The following AFG2A variants were observed in gnomAD, a reference collection of about 807,000 sequenced individuals.
AFG2A encodes the protein AAA ATPase AFG2A.
At chr4:123,079,624 A>C in the AFG2A span, among the ~76,000 whole-genome samples, 20 of 151,758 alleles carry the variant, frequency 1.3e-4, no homozygotes, top group East Asian at 3.9e-3. Context: ...TTGATGTGTA[A>C]CCCTCGCCAA....
the AFG2A span, among the ~76,000 whole-genome samples, chr4:123,299,117 A>ATGTGTGTGTG: frequency 0.02 from 2,994 of 147,196 alleles, 40 homozygotes; most frequent in Middle Eastern, 0.041. Flanking sequence ...GCATCTGCCA[A>ATGTGTGTGTG]TGTGTGTGTG....
chr4:123,207,989 A>G, the AFG2A span, among the ~76,000 whole-genome samples: 1 of 152,182 alleles, frequency 6.6e-6, no homozygotes, highest in Admixed American at 6.5e-5. Context: ...ATTGAAAAAG[A>G]ACACAGCTGA....
the AFG2A span, among the ~76,000 whole-genome samples, chr4:123,255,717 ATTTTTTTT>A: frequency 6.8e-5 from 3 of 44,030 alleles, no homozygotes; most frequent in African/African-American, 2.1e-4. Context: ...CTGCTTTTCT[ATTTTTTTT>A]TTTTTTTTTT....
chr4:123,033,557 T>C, the AFG2A span, among the ~76,000 whole-genome samples: 8 of 152,126 alleles, frequency 5.3e-5, no homozygotes, highest in African/African-American at 1.9e-4. Context: ...TAAAAGTTAA[T>C]AGGAAAGGGC....
chr4:123,005,539 A>C, the AFG2A span, among the ~76,000 whole-genome samples: 1 of 151,920 alleles, frequency 6.6e-6, no homozygotes, highest in African/African-American at 2.4e-5. Flanking sequence ...CTTTATGCTA[A>C]ATTTCTTCTT....
chr4:123,241,082 GGAA>G, the AFG2A span, among the ~76,000 whole-genome samples: 3 of 152,140 alleles, frequency 2.0e-5, no homozygotes, highest in East Asian at 5.8e-4. Context: ...GACTAAACCA[GGAA>G]GAAGTTGAAT....
the AFG2A span, among the ~76,000 whole-genome samples, chr4:123,136,360 C>T: frequency 6.6e-6 from 1 of 151,584 alleles, no homozygotes; most frequent in African/African-American, 2.4e-5. Context: ...ATGGAGAAAC[C>T]CGGTCTCTAC....
the AFG2A span, chr4:122,947,504 T>C: frequency 1.3e-6 from 2 of 1,586,294 alleles, no homozygotes; most frequent in African/African-American, 2.7e-5. Context: ...TGTGGTTTGC[T>C]ATGGTGAGTC....
chr4:123,008,971 C>G, the AFG2A span, among the ~76,000 whole-genome samples: 1 of 152,188 alleles, frequency 6.6e-6, no homozygotes, highest in African/African-American at 2.4e-5. Context: ...GTCTGTGCAT[C>G]TGTCTTCATT....
the AFG2A span, among the ~76,000 whole-genome samples, chr4:123,013,798 G>A: frequency 1.2e-4 from 19 of 152,146 alleles, no homozygotes; most frequent in African/African-American, 4.6e-4. Context: ...ATAAATATAT[G>A]TCTGCCTATT....
the AFG2A span, among the ~76,000 whole-genome samples, chr4:123,258,696 C>T: frequency 1.3e-5 from 2 of 151,998 alleles, no homozygotes; most frequent in African/African-American, 4.8e-5. Flanking sequence ...TAAGTGTATA[C>T]TATTAGCTAT....
the AFG2A span, among the ~76,000 whole-genome samples, chr4:123,192,029 C>CTT: frequency 6.9e-6 from 1 of 145,752 alleles, no homozygotes; most frequent in African/African-American, 2.5e-5. Context: ...GTCTTTTCTT[C>CTT]TTTTTTTTTT....
At chr4:123,241,240 C>T in the AFG2A span, among the ~76,000 whole-genome samples, 4 of 152,178 alleles carry the variant, frequency 2.6e-5, no homozygotes, top group Non-Finnish European at 5.9e-5. Flanking sequence ...TGAAACTATT[C>T]CAATCAATAG....
chr4:123,056,692 G>A, the AFG2A span, among the ~76,000 whole-genome samples: 15 of 152,114 alleles, frequency 9.9e-5, no homozygotes, highest in South Asian at 3.1e-3. Context: ...GATAATAATA[G>A]CCAGCATTTC....
At chr4:123,221,276 C>A in the AFG2A span, among the ~76,000 whole-genome samples, 1 of 152,202 alleles carries the variant, frequency 6.6e-6, no homozygotes. Flanking sequence ...CCACCTAAGC[C>A]TCTTGAGTAG....
At chr4:123,262,818 T>G in the AFG2A span, among the ~76,000 whole-genome samples, 1 of 152,226 alleles carries the variant, frequency 6.6e-6, no homozygotes, top group Non-Finnish European at 1.5e-5. Flanking sequence ...TGTATTTATG[T>G]GGCATGATCT....
chr4:122,947,178 CT>C, the AFG2A span: 630 of 1,338,250 alleles, frequency 4.7e-4, no homozygotes, highest in Admixed American at 1.3e-3. Context: ...GTGCCTCTCA[CT>C]TTTTTTTTTC....
chr4:123,095,807 A>G, the AFG2A span, among the ~76,000 whole-genome samples: 1 of 152,148 alleles, frequency 6.6e-6, no homozygotes, highest in Admixed American at 6.5e-5. Context: ...ATTAGCTAGC[A>G]TATTTTACAA....
the AFG2A span, among the ~76,000 whole-genome samples, chr4:123,042,618 T>C: frequency 6.6e-6 from 1 of 152,234 alleles, no homozygotes; most frequent in South Asian, 2.1e-4. Context: ...GCCATTTCTG[T>C]TCTTTTCCCT....
Sources: gnomAD v4.1 joint callset for allele counts (sites outside exome capture counted in the v4.1 genomes callset) on GRCh38, gnomAD v4.1.1 for gene constraint, MANE v1.5 for transcripts, NCBI Gene and HGNC (gene_info 2026-07-23, HGNC 2026-07-21) for gene names.